SUPT3H: variants seen among roughly 807,000 people sequenced by gnomAD.
The protein encoded by SUPT3H is SPT3 homolog, SAGA and STAGA complex component.
A neutral mutation model predicts 44.3 loss-of-function variants in SUPT3H; 44 were observed. The observed-to-expected ratio is 0.99, with a 90% CI of 0.78 to 1.28. The LOEUF (loss-of-function observed/expected upper bound fraction) is 1.28. Among genes scored for constraint, SUPT3H ranks in the 50% most tolerant of loss-of-function variants. The pLI, the probability that SUPT3H is intolerant of heterozygous loss-of-function variation, is 0.00. For synonymous variants in SUPT3H, 124 were observed against 125.6 expected (o/e 0.99, Z 0.09); for missense variants, 380 against 387.1 (o/e 0.98, Z 0.15).
intron 10 of SUPT3H, among the ~76,000 whole-genome samples, chr6:44,884,316 G>C (rs1181200104): frequency 6.6e-6 from 1 of 152,068 alleles, no homozygotes; most frequent in Non-Finnish European, 1.5e-5. Context: ...ACCATCTCAC[G>C]CCAGTTAGAA....
intron 10 of SUPT3H, among the ~76,000 whole-genome samples, chr6:44,835,600 C>G (rs1005154479): frequency 3.9e-5 from 6 of 152,110 alleles, no homozygotes; most frequent in Admixed American, 3.9e-4. Flanking sequence ...CTAGAAGCAA[C>G]AGGCTTTCAC....
At chr6:44,954,428 T>G in intron 8 of SUPT3H, 67 bp downstream of exon 8, 1 of 1,103,586 alleles carries the variant, frequency 9.1e-7, no homozygotes, top group South Asian at 1.2e-5. Flanking sequence ...AGAAGAAGAA[T>G]TGATCATGGG....
rs1304566433 is a variant in SUPT3H, at chr6:44,956,424, CAGTG to C, written c.581-1821_581-1818del. ...GATTGAAACCGGAAGGTGGAGGTTG[CAGTG>C]AGCCGAGATGGCGCCACTGCACAAC... On this transcript the variant is annotated intron_variant, in intron 7 of 10. Coordinates refer to ENST00000371459, the MANE Select transcript of SUPT3H (RefSeq NM_003599.4). 3.9e-5 allele frequency among the ~76,000 whole-genome samples: 5 copies of C among 126,822 alleles called. No individual in the cohort carries two copies. In the East Asian group the frequency reaches 1.2e-3, roughly 31 times the overall value. 83.2% of individuals were successfully genotyped at this position (126,822 alleles called of 152,430 possible). A position where few individuals can be genotyped will look rare whatever the true frequency, so the allele number is the denominator to read the frequency against.
At chr6:45,297,566 T>C (rs981008445) in intron 2 of SUPT3H, among the ~76,000 whole-genome samples, 1 of 152,240 alleles carries the variant, frequency 6.6e-6, no homozygotes, top group South Asian at 2.1e-4. Flanking sequence ...ACTATAAATA[T>C]GCTAACACAT....
chr6:45,311,511 G>A (rs1328483440), intron 2 of SUPT3H, among the ~76,000 whole-genome samples: 5 of 152,248 alleles, frequency 3.3e-5, no homozygotes, highest in Admixed American at 6.5e-5. Flanking sequence ...GCACACTGTC[G>A]TCAGGTTATC....
intron 2 of SUPT3H, among the ~76,000 whole-genome samples, chr6:45,267,534 A>G (rs185671475): frequency 6.6e-6 from 1 of 150,780 alleles, no homozygotes; most frequent in Admixed American, 6.6e-5. Flanking sequence ...TGAGATATTA[A>G]GAAATTATTT....
chr6:44,827,337 T>C lies in SUPT3H; in HGVS notation c.*2479A>G, dbSNP rs1283774587. ...AATTTACATCGTTGTCTAGGATAAATATGCCATAAAACCCCAACATGTCTT... is the reference window on the plus strand; with the variant it reads ...AATTTACATCGTTGTCTAGGATAAACATGCCATAAAACCCCAACATGTCTT... On this transcript the variant is annotated 3_prime_UTR_variant, in exon 11 of 11. Coordinates refer to ENST00000371459, the MANE Select transcript of SUPT3H (RefSeq NM_003599.4). Among the ~76,000 whole-genome samples the C allele has an allele frequency of 1.3e-5, 2 of 152,130 alleles. No homozygotes were observed. The highest frequency in any genetic ancestry group is 2.9e-5 in the Non-Finnish European group (2 of 67,986).
rs373509643 is a variant in SUPT3H at position 45,147,368 on chromosome 6, A to G, written c.102-41362T>C. On this transcript the variant is annotated intron_variant, in intron 2 of 10. Transcript: ENST00000371459. Reference sequence around the variant, plus strand: ...GTTCAATTTTTAAACATTTTGACCTACCTTTTCTTCATTGTTCCTTCCTTC... The same window carrying G: ...GTTCAATTTTTAAACATTTTGACCTGCCTTTTCTTCATTGTTCCTTCCTTC... 3.3e-5 allele frequency among the ~76,000 whole-genome samples: 5 copies of G among 152,228 alleles called. No homozygotes were observed. The East Asian group carries it at 7.7e-4, about 23-fold the overall frequency.
chr6:45,294,664 C>T (rs1384638750), intron 2 of SUPT3H, among the ~76,000 whole-genome samples: 1 of 146,678 alleles, frequency 6.8e-6, no homozygotes, highest in Non-Finnish European at 1.5e-5. Context: ...CTAATCAGCA[C>T]CTCTTCTGTA....
At chr6:45,089,468 CCTT>C (rs911516549) in intron 3 of SUPT3H, among the ~76,000 whole-genome samples, 4 of 151,902 alleles carry the variant, frequency 2.6e-5, no homozygotes, top group East Asian at 1.9e-4. Context: ...ATTCTAAAAC[CCTT>C]CTTCTTCTGC....
chr6:45,102,721 C>T (rs998252879), intron 3 of SUPT3H, among the ~76,000 whole-genome samples: 5 of 151,986 alleles, frequency 3.3e-5, no homozygotes, highest in Non-Finnish European at 5.9e-5. Flanking sequence ...TCGGGCAGAT[C>T]CCTCAGGTCA....
chr6:44,864,419 G>T (rs548493048), intron 10 of SUPT3H, among the ~76,000 whole-genome samples: 1 of 152,282 alleles, frequency 6.6e-6, no homozygotes, highest in African/African-American at 2.4e-5. Flanking sequence ...ACTCTGTGTG[G>T]GGACTCCAAT....
chr6:45,235,810 T>C (rs6932289), intron 2 of SUPT3H, among the ~76,000 whole-genome samples: 1,807 of 152,234 alleles, frequency 0.012, 40 homozygotes, highest in African/African-American at 0.041. Flanking sequence ...CACTGTGACA[T>C]GTTCATGATG....
intron 2 of SUPT3H, among the ~76,000 whole-genome samples, chr6:45,213,137 G>C (rs558091320): frequency 6.6e-6 from 1 of 152,262 alleles, no homozygotes; most frequent in South Asian, 2.1e-4. Context: ...CCTGAAGAGT[G>C]ACATGAGTCT....
At chr6:44,990,319 C>T (rs923235150) in intron 6 of SUPT3H, among the ~76,000 whole-genome samples, 1 of 152,026 alleles carries the variant, frequency 6.6e-6, no homozygotes, top group African/African-American at 2.4e-5. Context: ...TCTGGGCTTT[C>T]TGTTCCATTG....
chr6:45,212,733 A>G (rs1349228152), intron 2 of SUPT3H, among the ~76,000 whole-genome samples: 1 of 152,196 alleles, frequency 6.6e-6, no homozygotes, highest in Non-Finnish European at 1.5e-5. Flanking sequence ...CGAATTCTAC[A>G]TACAAATAAC....
At chr6:45,241,556 T>C (rs1770330012) in intron 2 of SUPT3H, among the ~76,000 whole-genome samples, 2 of 152,194 alleles carry the variant, frequency 1.3e-5, no homozygotes, top group Admixed American at 1.3e-4. Context: ...CCAATAAATA[T>C]GTGGGTAAAT....
At chr6:44,810,045 G>A (rs1311580368) in intron 11 of SUPT3H, among the ~76,000 whole-genome samples, 1 of 152,210 alleles carries the variant, frequency 6.6e-6, no homozygotes, top group Non-Finnish European at 1.5e-5. Context: ...AGCCAAGACT[G>A]GGCCTGTGGG....
intron 10 of SUPT3H, among the ~76,000 whole-genome samples, chr6:44,897,996 A>G (rs1341592499): frequency 6.6e-6 from 1 of 152,230 alleles, no homozygotes; most frequent in African/African-American, 2.4e-5. Flanking sequence ...CCATCCAAAA[A>G]AACTTATAAC....
Sources: allele counts gnomAD v4.1 joint callset (sites outside exome capture counted in the v4.1 genomes callset), GRCh38; gene constraint gnomAD v4.1.1; transcripts MANE v1.5; gene names NCBI Gene and HGNC (gene_info 2026-07-23, HGNC 2026-07-21).